ADK: variants seen among roughly 807,000 people sequenced by gnomAD.
The protein encoded by ADK is N6,N6-dimethyladenosine kinase.
Under a neutral mutation model 44.7 loss-of-function variants are expected in ADK, and 24 were observed. The observed-to-expected ratio is 0.54, with a 90% CI of 0.39 to 0.76. The LOEUF is 0.76. Ranked by LOEUF, ADK falls within the 30% of genes least tolerant of loss-of-function variation. The pLI, the probability that ADK is intolerant of heterozygous loss-of-function variation, is 0.00. For synonymous variants in ADK, 128 were observed against 142.6 expected (o/e 0.90, Z 0.73); for missense variants, 321 against 425.1 (o/e 0.76, Z 2.15).
rs541202293 is a variant in ADK, at chr10:74,186,371, C to T, written c.66-14393C>T. On this transcript the variant is annotated intron_variant, in intron 1 of 10. Transcript: ENST00000539909. ...CACGTCTCACTGCAACCTTGACCTC[C>T]CCAGCCCAAGCCATCTACTTGCCTC... Among the ~76,000 whole-genome samples the T allele has an allele frequency of 3.1e-4, 47 of 152,170 alleles. 1 individual carries two copies. In the Middle Eastern group the frequency reaches 0.01, roughly 33 times the overall value.
intron 10 of ADK, among the ~76,000 whole-genome samples, chr10:74,692,384 C>T (rs1464660364): frequency 3.9e-5 from 6 of 152,138 alleles, no homozygotes; most frequent in African/African-American, 1.4e-4. Context: ...GAGACTGAGG[C>T]AGGAGAATTG....
chr10:74,473,143 C>G (rs1846669408), intron 6 of ADK, among the ~76,000 whole-genome samples: 1 of 151,766 alleles, frequency 6.6e-6, no homozygotes, highest in Non-Finnish European at 1.5e-5. Context: ...GTGTGCACCA[C>G]CATGCCTAAT....
At chr10:74,302,099 TTGTTTGTTTG>T (rs1564642212) in intron 3 of ADK, among the ~76,000 whole-genome samples, 8 of 21,492 alleles carry the variant, frequency 3.7e-4, no homozygotes, top group African/African-American at 1.8e-3. Flanking sequence ...TGTTTTTTTT[TTGTTTGTTTG>T]TTTTTTTTTT....
chr10:74,556,648 T>G (rs983740856), intron 7 of ADK, among the ~76,000 whole-genome samples: 11 of 152,190 alleles, frequency 7.2e-5, no homozygotes, highest in African/African-American at 2.4e-4. Context: ...AATCTTAGCT[T>G]TTCTCCTACT....
intron 2 of ADK, among the ~76,000 whole-genome samples, chr10:74,206,376 A>T (rs1564592677): frequency 6.6e-6 from 1 of 152,154 alleles, no homozygotes; most frequent in East Asian, 1.9e-4. Flanking sequence ...AGTTTTGGGG[A>T]GGTGGCAAGC....
At chr10:74,208,731 T>A (rs1473924966) in intron 2 of ADK, among the ~76,000 whole-genome samples, 2 of 151,780 alleles carry the variant, frequency 1.3e-5, no homozygotes, top group Non-Finnish European at 2.9e-5. Flanking sequence ...TTTTTATTTT[T>A]TTATTTTTTT....
At chr10:74,341,010 T>C (rs1415574374) in intron 4 of ADK, among the ~76,000 whole-genome samples, 1 of 152,198 alleles carries the variant, frequency 6.6e-6, no homozygotes, top group African/African-American at 2.4e-5. Context: ...CATCTATCAT[T>C]ATCCTTTATG....
intron 4 of ADK, among the ~76,000 whole-genome samples, chr10:74,332,121 G>T (rs949829622): frequency 6.6e-6 from 1 of 152,214 alleles, no homozygotes; most frequent in Non-Finnish European, 1.5e-5. Context: ...GCCTCCCAAA[G>T]TGCTGGGATT....
chr10:74,681,678 G>A (rs1564850080), intron 10 of ADK, among the ~76,000 whole-genome samples: 1 of 151,884 alleles, frequency 6.6e-6, no homozygotes, highest in East Asian at 1.9e-4. Context: ...GTGAAACCCC[G>A]CCTCTACTAA....
chr10:74,192,041 G>A lies in ADK; in HGVS notation c.66-8723G>A, dbSNP rs146006487. On this transcript the variant is annotated intron_variant, in intron 1 of 10. Transcript: ENST00000539909. ...AATGGAATCATATAGTAGGTAACCC[G>A]TAGATACGGCTTTTTTCTCACTTAG... 5.3e-3 allele frequency among the ~76,000 whole-genome samples: 814 copies of A among 152,222 alleles called. 7 individuals are homozygous for A. The highest frequency in any genetic ancestry group is 0.024 in the Middle Eastern group (7 of 294).
chr10:74,190,343 T>A (rs1326053267), intron 1 of ADK, among the ~76,000 whole-genome samples: 1 of 152,224 alleles, frequency 6.6e-6, no homozygotes, highest in South Asian at 2.1e-4. Flanking sequence ...CTTGACTTCC[T>A]GTTTTGCCGA....
At chr10:74,277,094 T>C (rs1218744961) in intron 3 of ADK, among the ~76,000 whole-genome samples, 1 of 151,582 alleles carries the variant, frequency 6.6e-6, no homozygotes, top group African/African-American at 2.4e-5. Flanking sequence ...ATTTTCCTGT[T>C]TTTAGTTAGA....
At chr10:74,379,557 G>A (rs75784114) in intron 4 of ADK, among the ~76,000 whole-genome samples, 126 of 152,144 alleles carry the variant, frequency 8.3e-4, no homozygotes, top group Admixed American at 2.4e-3. Flanking sequence ...TTTTCTAACC[G>A]TTTTCATCTC....
intron 6 of ADK, among the ~76,000 whole-genome samples, chr10:74,440,077 T>C (rs1311596876): frequency 6.6e-6 from 1 of 152,098 alleles, no homozygotes; most frequent in African/African-American, 2.4e-5. Flanking sequence ...ATATTTTTCC[T>C]ATCCCTATTT....
chr10:74,263,803 T>C (rs1402224388), intron 3 of ADK, among the ~76,000 whole-genome samples: 2 of 152,222 alleles, frequency 1.3e-5, no homozygotes, highest in East Asian at 1.9e-4. Flanking sequence ...TCGTGTAACA[T>C]TGAATTTTTA....
intron 3 of ADK, among the ~76,000 whole-genome samples, chr10:74,303,305 T>G (rs1840123586): frequency 6.6e-6 from 1 of 152,164 alleles, no homozygotes. Context: ...TTATGGAATA[T>G]TTTGTCTTTT....
chr10:74,443,848 GC>G (rs1469075440), intron 6 of ADK, among the ~76,000 whole-genome samples: 1 of 152,014 alleles, frequency 6.6e-6, no homozygotes, highest in Non-Finnish European at 1.5e-5. Flanking sequence ...TTAGATGGGG[GC>G]ATGTAACCTC....
intron 9 of ADK, among the ~76,000 whole-genome samples, chr10:74,605,625 G>A (rs1390865424): frequency 6.6e-6 from 1 of 152,146 alleles, no homozygotes; most frequent in Admixed American, 6.6e-5. Context: ...GCTTTTTGAT[G>A]TGCTTCTGGA....
intron 3 of ADK, among the ~76,000 whole-genome samples, chr10:74,313,481 C>A (rs1033359215): frequency 3.9e-5 from 6 of 152,002 alleles, no homozygotes; most frequent in African/African-American, 1.4e-4. Flanking sequence ...GCATAGAATA[C>A]ATTACTCCAT....
Sources: allele counts gnomAD v4.1 joint callset (sites outside exome capture counted in the v4.1 genomes callset), GRCh38; gene constraint gnomAD v4.1.1; transcripts MANE v1.5; gene names NCBI Gene and HGNC (gene_info 2026-07-23, HGNC 2026-07-21).